ADGRL3: variants seen among roughly 807,000 people sequenced by gnomAD.
ADGRL3 encodes the protein calcium-independent alpha-latrotoxin receptor 3.
In ADGRL3, 62 loss-of-function variants were observed where a neutral mutation model predicts 153.5. The ratio of observed to expected loss-of-function variants is 0.40; its 90% CI spans 0.33 to 0.50. ADGRL3 has a LOEUF of 0.50. Among genes scored for constraint, ADGRL3 ranks in the 20% least tolerant of loss-of-function variants. ADGRL3 has a pLI of 0.47. For synonymous variants in ADGRL3, 710 were observed against 672.5 expected (o/e 1.06, Z -0.86); for missense variants, 1,641 against 1,859.4 (o/e 0.88, Z 2.16).
At chr4:61,265,472 C>G (rs2092793845) in intron 1 of ADGRL3, among the ~76,000 whole-genome samples, 1 of 151,808 alleles carries the variant, frequency 6.6e-6, no homozygotes, top group Non-Finnish European at 1.5e-5. Context: ...AAGCGGAGGA[C>G]AGTAGTTAAC....
At chr4:61,504,640 C>T (rs1053569064) in intron 3 of ADGRL3, among the ~76,000 whole-genome samples, 7 of 152,058 alleles carry the variant, frequency 4.6e-5, no homozygotes, top group African/African-American at 1.7e-4. Flanking sequence ...TAACCATCTT[C>T]TCTTCATCTT....
chr4:61,777,347 A>T (rs1208566844), intron 8 of ADGRL3, among the ~76,000 whole-genome samples: 1 of 152,042 alleles, frequency 6.6e-6, no homozygotes, highest in Non-Finnish European at 1.5e-5. Context: ...AAAAAAAAAG[A>T]AAATTTCTCT....
At chr4:61,965,278 C>A (rs908880752) in intron 17 of ADGRL3, among the ~76,000 whole-genome samples, 4 of 151,964 alleles carry the variant, frequency 2.6e-5, no homozygotes, top group African/African-American at 9.7e-5. Context: ...GGATTACAGG[C>A]GTGAGCCACT....
chr4:61,888,572 C>T (rs184855511), intron 9 of ADGRL3, among the ~76,000 whole-genome samples: 141 of 152,242 alleles, frequency 9.3e-4, no homozygotes, highest in African/African-American at 3.1e-3. Flanking sequence ...ACAGAGCCTG[C>T]GGTAGTCTTA....
At chr4:61,226,738 G>A (rs1748136370) in intron 1 of ADGRL3, among the ~76,000 whole-genome samples, 1 of 152,032 alleles carries the variant, frequency 6.6e-6, no homozygotes, top group Non-Finnish European at 1.5e-5. Flanking sequence ...GCTCAGGTGG[G>A]AATGTGGCAT....
chr4:61,345,760 T>C (rs966519720), intron 1 of ADGRL3, among the ~76,000 whole-genome samples: 2 of 152,238 alleles, frequency 1.3e-5, no homozygotes, highest in Admixed American at 6.5e-5. Flanking sequence ...AATAAAGATA[T>C]CAAAGAGAAT....
chr4:61,333,417 T>C (rs1262417647), intron 1 of ADGRL3, among the ~76,000 whole-genome samples: 1 of 152,164 alleles, frequency 6.6e-6, no homozygotes, highest in East Asian at 1.9e-4. Flanking sequence ...TGTAATATCC[T>C]GGGAACCTGC....
intron 8 of ADGRL3, among the ~76,000 whole-genome samples, chr4:61,771,814 G>A (rs2097090614): frequency 6.6e-6 from 1 of 152,064 alleles, no homozygotes; most frequent in Admixed American, 6.5e-5. Flanking sequence ...AGATACAAGA[G>A]ACTTCCCCAG....
chr4:61,818,964 A>G (rs1004675086), intron 9 of ADGRL3, among the ~76,000 whole-genome samples: 3 of 152,190 alleles, frequency 2.0e-5, no homozygotes, highest in African/African-American at 7.2e-5. Context: ...CATTTTTCTT[A>G]AGATTATCTT....
At chr4:61,995,636 C>T (rs2099119117) in intron 19 of ADGRL3, among the ~76,000 whole-genome samples, 1 of 152,070 alleles carries the variant, frequency 6.6e-6, no homozygotes, top group African/African-American at 2.4e-5. Context: ...TGTAATTTCC[C>T]AGAGGTTTTA....
At chr4:61,305,551 T>C (rs1461770103) in intron 1 of ADGRL3, among the ~76,000 whole-genome samples, 1 of 152,178 alleles carries the variant, frequency 6.6e-6, no homozygotes, top group Admixed American at 6.5e-5. Context: ...GCTTCAGTGA[T>C]TGTAGCCTTG....
intron 9 of ADGRL3, among the ~76,000 whole-genome samples, chr4:61,851,589 CAA>C (rs759990537): frequency 0.014 from 770 of 55,150 alleles, 5 homozygotes; most frequent in African/African-American, 0.038. Flanking sequence ...GACCATGTCT[CAA>C]AAAAAAAAAA....
chr4:61,617,639 G>A (rs2092148294), intron 5 of ADGRL3, among the ~76,000 whole-genome samples: 1 of 152,186 alleles, frequency 6.6e-6, no homozygotes, highest in Non-Finnish European at 1.5e-5. Context: ...AATGGGATAA[G>A]TAAGAGGTAG....
intron 1 of ADGRL3, among the ~76,000 whole-genome samples, chr4:61,370,627 G>A (rs2096502691): frequency 6.6e-6 from 1 of 151,810 alleles, no homozygotes; most frequent in Admixed American, 6.6e-5. Flanking sequence ...TTTTACATTT[G>A]CTGAGGAGAG....
At chr4:61,402,226 T>C (rs1233411295) in intron 2 of ADGRL3, among the ~76,000 whole-genome samples, 1 of 152,134 alleles carries the variant, frequency 6.6e-6, no homozygotes, top group Non-Finnish European at 1.5e-5. Context: ...AAGCCTCGTC[T>C]ATTGGATGTC....
At chr4:61,924,707 G>T (rs2098786971) in intron 13 of ADGRL3, among the ~76,000 whole-genome samples, 1 of 152,062 alleles carries the variant, frequency 6.6e-6, no homozygotes, top group Non-Finnish European at 1.5e-5. Flanking sequence ...TTTTATTCTG[G>T]CTGTTCCCTC....
intron 11 of ADGRL3, among the ~76,000 whole-genome samples, chr4:61,906,873 G>A (rs909623835): frequency 3.3e-5 from 5 of 151,968 alleles, no homozygotes; most frequent in East Asian, 3.9e-4. Context: ...CATGATAATC[G>A]ATAACCTACC....
At chr4:61,909,272 G>A (rs540223175) in intron 11 of ADGRL3, among the ~76,000 whole-genome samples, 1 of 152,116 alleles carries the variant, frequency 6.6e-6, no homozygotes, top group South Asian at 2.1e-4. Flanking sequence ...AAAATAATAG[G>A]GCAAACCTTA....
intron 1 of ADGRL3, among the ~76,000 whole-genome samples, chr4:61,333,827 G>C (rs1320599302): frequency 6.6e-6 from 1 of 151,954 alleles, no homozygotes; most frequent in Admixed American, 6.6e-5. Context: ...TGTTGCCCAG[G>C]CTGGTCTCAA....
Sources: gnomAD v4.1 joint callset for allele counts (sites outside exome capture counted in the v4.1 genomes callset) on GRCh38, gnomAD v4.1.1 for gene constraint, MANE v1.5 for transcripts, NCBI Gene and HGNC (gene_info 2026-07-23, HGNC 2026-07-21) for gene names.